TESC: variants seen among roughly 807,000 people sequenced by gnomAD.
The protein encoded by TESC is calcineurin B homologous protein 3.
A neutral mutation model predicts 31.0 loss-of-function variants in TESC; 19 were observed. The ratio of observed to expected loss-of-function variants is 0.61; its 90% CI spans 0.43 to 0.90. TESC has a LOEUF of 0.90. TESC is among the 40% of genes least tolerant of loss of function. The pLI is 0.00. For missense variants in TESC, 248 were observed against 303.8 expected (o/e 0.82, Z 1.36); for synonymous variants, 109 against 114.8 (o/e 0.95, Z 0.32).
intron 1 of TESC, among the ~76,000 whole-genome samples, chr12:117,082,068 A>C (rs971783441): frequency 7.3e-5 from 11 of 151,608 alleles, no homozygotes; most frequent in Non-Finnish European, 1.5e-5. Flanking sequence ...TACAAAAAAA[A>C]AAAAAAATCA....
At chr12:117,072,313 G>C (rs1954985410) in intron 2 of TESC, among the ~76,000 whole-genome samples, 1 of 152,086 alleles carries the variant, frequency 6.6e-6, no homozygotes, top group Admixed American at 6.6e-5. Context: ...CCCAGGTTGG[G>C]CTCAAGCGAT....
intron 6 of TESC, among the ~76,000 whole-genome samples, chr12:117,044,167 G>C (rs1954523709): frequency 6.6e-6 from 1 of 152,154 alleles, no homozygotes; most frequent in African/African-American, 2.4e-5. Context: ...CAGAGGCTGA[G>C]GTAGGAGGAT....
intron 3 of TESC, among the ~76,000 whole-genome samples, chr12:117,049,903 G>GAAAA (rs66797686): frequency 1.2e-4 from 10 of 86,406 alleles, no homozygotes; most frequent in South Asian, 3.6e-4. Context: ...CCTGTCTCAA[G>GAAAA]AAAAAAAAAA....
chr12:117,093,943 G>C (rs566366185), intron 1 of TESC, among the ~76,000 whole-genome samples: 2 of 152,026 alleles, frequency 1.3e-5, no homozygotes, highest in African/African-American at 2.4e-5. Flanking sequence ...AGACACGGAT[G>C]GGGGGGACAG....
In TESC at chr12:117,054,395, C is replaced by T. The variant is rs982428755; in HGVS notation, c.209+2411G>A. Among the ~76,000 whole-genome samples the T allele has an allele frequency of 5.3e-5, 8 of 152,140 alleles. No individual in the cohort carries two copies. In the East Asian group the frequency reaches 1.2e-3, roughly 22 times the overall value. ...CCCTGCTGCTGCTGGTCCACAGATGCTGTCCGATGCAGCCTGCCCTCCCCA... is the reference window on the plus strand; with the variant it reads ...CCCTGCTGCTGCTGGTCCACAGATGTTGTCCGATGCAGCCTGCCCTCCCCA... On this transcript the variant is annotated intron_variant, in intron 3 of 7. Transcript: ENST00000335209.
intron 3 of TESC, among the ~76,000 whole-genome samples, chr12:117,051,728 C>T (rs1481421064): frequency 6.6e-6 from 1 of 152,084 alleles, no homozygotes; most frequent in Non-Finnish European, 1.5e-5. Flanking sequence ...GGTGTGTGTC[C>T]TTCTCTGGGA....
chr12:117,072,059 G>A (rs946630261), intron 2 of TESC, among the ~76,000 whole-genome samples: 3 of 152,174 alleles, frequency 2.0e-5, no homozygotes, highest in Non-Finnish European at 4.4e-5. Flanking sequence ...GTAAGCTTAT[G>A]ATGGGGTGCT....
Position 117,046,679 on chromosome 12 carries a change from G to A in TESC, c.412-13C>T. ...GCTCCTCGACCACCTGCCAGGTGGG[G>A]CGGAAACAAACGGTGACCTTGGGCC... On this transcript the variant is annotated splice_polypyrimidine_tract_variant and intron_variant, in intron 5 of 7. Transcript: ENST00000335209. 6.4e-7 allele frequency: 1 copy of A among 1,552,246 alleles called. No individual in the cohort carries two copies. The highest frequency in any genetic ancestry group is 8.7e-7 in the Non-Finnish European group (1 of 1,147,198).
chr12:117,046,977 G>T, intron 4 of TESC, 139 bp from the exon 5 acceptor site: 1 of 907,334 alleles, frequency 1.1e-6, no homozygotes, highest in Non-Finnish European at 1.7e-6. Context: ...GGCATGAGCT[G>T]TGGGACCAGA....
rs964836492 is a variant in TESC at position 117,094,600 on chromosome 12, G to A, written c.58+4625C>T. 3.1e-4 allele frequency among the ~76,000 whole-genome samples: 47 copies of A among 152,154 alleles called. 1 individual carries two copies. Among genetic ancestry groups the A allele is most frequent in the African/African-American group, 1.0e-3 (43 of 41,424 alleles). On this transcript the variant is annotated intron_variant, in intron 1 of 7. Coordinates refer to ENST00000335209, the MANE Select transcript of TESC (RefSeq NM_017899.4). ...AACATGGTGTGATGCCTGCTATTGC[G>A]GGCTCCAGGAGCGCTGAGGATGGGT...
intron 3 of TESC, among the ~76,000 whole-genome samples, 185 bp downstream of exon 3, chr12:117,056,621 C>T (rs1456237900): frequency 6.6e-6 from 1 of 152,228 alleles, no homozygotes; most frequent in African/African-American, 2.4e-5. Context: ...CTTGAGTGAG[C>T]AGCCCAGTCG....
chr12:117,041,192 G>A (rs572868926), intron 7 of TESC, among the ~76,000 whole-genome samples: 217 of 152,322 alleles, frequency 1.4e-3, no homozygotes, highest in African/African-American at 5.1e-3. Context: ...CAGAGTGGGC[G>A]GCCGCTTTAC....
chr12:117,039,351 G>A (rs1342490865), intron 7 of TESC, 141 bp from the exon 8 acceptor site: 3 of 775,744 alleles, frequency 3.9e-6, no homozygotes, highest in Non-Finnish European at 6.4e-6. Context: ...CCAGAGGGCT[G>A]TGTTTCAAGA....
chr12:117,075,404 G>T, intron 1 of TESC, 64 bp from the exon 2 acceptor site: 1 of 1,566,900 alleles, frequency 6.4e-7, no homozygotes, highest in Non-Finnish European at 8.7e-7. Context: ...GTCAGAGGGA[G>T]GCTGCAGATA....
At chr12:117,099,118 C>T (rs960586581) in intron 1 of TESC, 107 bp downstream of exon 1, 220 of 1,230,050 alleles carry the variant, frequency 1.8e-4, no homozygotes, top group Non-Finnish European at 2.3e-4. Context: ...CAGAGAGGGC[C>T]CGCCACTGGC....
chr12:117,055,029 C>T (rs556080660), intron 3 of TESC, among the ~76,000 whole-genome samples: 1 of 152,306 alleles, frequency 6.6e-6, no homozygotes, highest in South Asian at 2.1e-4. Context: ...CGAGCTCTGG[C>T]CTGTGCCTCA....
At chr12:117,064,208 A>G (rs1954839790) in intron 2 of TESC, among the ~76,000 whole-genome samples, 1 of 152,198 alleles carries the variant, frequency 6.6e-6, no homozygotes, top group African/African-American at 2.4e-5. Context: ...CTGCATTTTA[A>G]CGCAGTCCCC....
At chr12:117,040,082 G>C (rs1487092497) in intron 7 of TESC, among the ~76,000 whole-genome samples, 2 of 152,254 alleles carry the variant, frequency 1.3e-5, no homozygotes, top group Non-Finnish European at 2.9e-5. Context: ...CATCTCCGGG[G>C]ACAGCCACGA....
rs12296674 is a variant in TESC at position 117,073,761 on chromosome 12, C to G, written c.128+1510G>C. 4.3e-3 allele frequency among the ~76,000 whole-genome samples: 661 copies of G among 152,298 alleles called. 4 individuals carry two copies. Among genetic ancestry groups the G allele is most frequent in the African/African-American group, 0.015 (635 of 41,564 alleles). ...TTCCCCATGAACTCTGTGTGACGAT[C>G]AAGTCACTGGCAAGGACCTCTCACT... On this transcript the variant is annotated intron_variant, in intron 2 of 7. Coordinates refer to ENST00000335209, the MANE Select transcript of TESC (RefSeq NM_017899.4).
Sources: gnomAD v4.1 joint callset for allele counts (sites outside exome capture counted in the v4.1 genomes callset) on GRCh38, gnomAD v4.1.1 for gene constraint, MANE v1.5 for transcripts, NCBI Gene and HGNC (gene_info 2026-07-23, HGNC 2026-07-21) for gene names.